The following ESR1 variants were observed in gnomAD, a reference collection of about 807,000 sequenced individuals.
ESR1 encodes estrogen receptor.
Under a neutral mutation model 52.7 loss-of-function variants are expected in ESR1, and 12 were observed. That is an observed-to-expected ratio of 0.23 (90% CI 0.15 to 0.37). The LOEUF is 0.37. ESR1 is among the 10% of genes least tolerant of loss of function. ESR1 has a pLI of 1.00. For missense variants in ESR1, 584 were observed against 779.7 expected (o/e 0.75, Z 2.99); for synonymous variants, 305 against 316.8 (o/e 0.96, Z 0.39).
At chr6:151,885,602 C>T (rs542208231) in intron 3 of ESR1, among the ~76,000 whole-genome samples, 1 of 152,308 alleles carries the variant, frequency 6.6e-6, no homozygotes, top group East Asian at 1.9e-4. Context: ...CGGTGGCTTA[C>T]GCCTGTAATC....
intron 3 of ESR1, among the ~76,000 whole-genome samples, chr6:151,930,489 T>A (rs1451079341): frequency 1.3e-5 from 2 of 152,230 alleles, no homozygotes; most frequent in Non-Finnish European, 2.9e-5. Flanking sequence ...CTATATACTA[T>A]AATCACCTAT....
At chr6:151,983,937 G>A (rs1458577579) in intron 4 of ESR1, 3 of 152,044 alleles carry the variant, frequency 2.0e-5, no homozygotes, top group Non-Finnish European at 2.9e-5. Context: ...TAAATTTCAA[G>A]TCCCTGGTAA....
chr6:151,679,895 C>T (rs1014404004), intron 1 of ESR1, among the ~76,000 whole-genome samples: 3 of 152,208 alleles, frequency 2.0e-5, no homozygotes, highest in African/African-American at 7.2e-5. Context: ...TGCTCAATAT[C>T]AGCTTCTCAG....
At chr6:151,741,763 T>A (rs1004948213) in intron 2 of ESR1, among the ~76,000 whole-genome samples, 1 of 152,190 alleles carries the variant, frequency 6.6e-6, no homozygotes, top group Admixed American at 6.5e-5. Flanking sequence ...CAAACTAACG[T>A]ATCCATCATC....
chr6:152,081,282 A>ACC (rs1477995594), intron 6 of ESR1, among the ~76,000 whole-genome samples: 1 of 152,142 alleles, frequency 6.6e-6, no homozygotes, highest in Non-Finnish European at 1.5e-5. Context: ...TGTCTCTCAG[A>ACC]CCACAGTGCA....
chr6:151,920,387 A>G (rs781772873), intron 3 of ESR1, among the ~76,000 whole-genome samples: 1 of 151,968 alleles, frequency 6.6e-6, no homozygotes, highest in Non-Finnish European at 1.5e-5. Flanking sequence ...GAGTTCTCAT[A>G]TATGCCTCAC....
chr6:151,923,465 C>T (rs2032093226), intron 3 of ESR1, among the ~76,000 whole-genome samples: 1 of 152,078 alleles, frequency 6.6e-6, no homozygotes, highest in Admixed American at 6.6e-5. Context: ...TATAAAATAT[C>T]CTGTGTTTCT....
At chr6:152,082,278 T>C (rs2049293272) in intron 6 of ESR1, among the ~76,000 whole-genome samples, 2 of 152,158 alleles carry the variant, frequency 1.3e-5, no homozygotes, top group African/African-American at 2.4e-5. Context: ...CCAAGTCAGC[T>C]TCATTCCTGG....
At chr6:152,080,295 A>T (rs1248594968) in intron 6 of ESR1, among the ~76,000 whole-genome samples, 2 of 141,786 alleles carry the variant, frequency 1.4e-5, no homozygotes, top group Non-Finnish European at 3.0e-5. Context: ...GGGATCTCTC[A>T]GCAGAAACCC....
intron 1 of ESR1, among the ~76,000 whole-genome samples, chr6:151,698,043 G>T (rs1779493362): frequency 6.6e-6 from 1 of 151,706 alleles, no homozygotes; most frequent in Admixed American, 6.6e-5. Flanking sequence ...GTTGCAGTGA[G>T]CCAATATTGT....
intron 1 of ESR1, among the ~76,000 whole-genome samples, chr6:151,842,376 G>C (rs4986937): frequency 2.0e-5 from 3 of 152,150 alleles, no homozygotes; most frequent in Non-Finnish European, 4.4e-5. Context: ...GGTGCAGGTA[G>C]TATGTTTTTA....
At chr6:151,718,310 G>A (rs906211243) in intron 2 of ESR1, among the ~76,000 whole-genome samples, 3 of 152,184 alleles carry the variant, frequency 2.0e-5, no homozygotes, top group Admixed American at 2.0e-4. Context: ...GTGAAAAACA[G>A]TGCACTAAAT....
chr6:152,094,652 G>C lies in ESR1; in HGVS notation c.1553+84G>C, dbSNP rs2050470276. Reference sequence around the variant, plus strand: ...ATGTGACAGCTGGCCGGGAAGGACTGGTGCCTGCATATGGAGAGTGCACTT... The same window carrying C: ...ATGTGACAGCTGGCCGGGAAGGACTCGTGCCTGCATATGGAGAGTGCACTT... On this transcript the variant is annotated intron_variant, in intron 7 of 7. Coordinates refer to ENST00000206249, the MANE Select transcript of ESR1 (RefSeq NM_000125.4). The surrounding 1 kb of genome is among the most constrained non-coding windows in gnomAD (Gnocchi z 4.6). 8 of 1,279,428 alleles carry C rather than the reference G, an allele frequency of 6.3e-6. No homozygotes were observed. The highest frequency in any genetic ancestry group is 8.9e-6 in the Non-Finnish European group (8 of 902,354). 79.3% of individuals were successfully genotyped at this position (1,279,428 alleles called of 1,614,324 possible).
At chr6:152,066,002 G>A (rs1356164417) in intron 6 of ESR1, among the ~76,000 whole-genome samples, 1 of 152,138 alleles carries the variant, frequency 6.6e-6, no homozygotes, top group Non-Finnish European at 1.5e-5. Flanking sequence ...GTACTTTAGT[G>A]TTTAGCAAAA....
At chr6:152,024,959 CAA>C (rs1223288695) in intron 5 of ESR1, among the ~76,000 whole-genome samples, 1 of 151,032 alleles carries the variant, frequency 6.6e-6, no homozygotes, top group African/African-American at 2.4e-5. Context: ...CTTTCTATTC[CAA>C]AGTGTCTAAA....
At chr6:151,836,641 T>G (rs1042838288) in intron 1 of ESR1, among the ~76,000 whole-genome samples, 1 of 152,178 alleles carries the variant, frequency 6.6e-6, no homozygotes, top group African/African-American at 2.4e-5. Flanking sequence ...TTCTTGGAGT[T>G]TACTGTTTAC....
chr6:152,070,154 T>C (rs1017640712), intron 6 of ESR1, among the ~76,000 whole-genome samples: 2 of 136,910 alleles, frequency 1.5e-5, no homozygotes, highest in Admixed American at 1.4e-4. Flanking sequence ...AAAACCTAAG[T>C]TAATATCACC....
At position 151,998,655 on chromosome 6, in the gene ESR1, G is replaced by A. The variant is rs200468084; in HGVS notation, c.1097-13001G>A. ...CATGTTATTAATCGTACATGATCTT[G>A]CAGACCCCAGATAGAGACTATATCA... On this transcript the variant is annotated intron_variant, in intron 4 of 7. Transcript: ENST00000206249. Among the ~76,000 whole-genome samples, 11 of 152,188 alleles carry A rather than the reference G, an allele frequency of 7.2e-5. No homozygotes were observed. In the East Asian group the frequency reaches 2.1e-3, roughly 29 times the overall value.
At chr6:151,942,568 A>G (rs1423682670) in intron 3 of ESR1, among the ~76,000 whole-genome samples, 1 of 151,496 alleles carries the variant, frequency 6.6e-6, no homozygotes. Context: ...AGAAGTACTT[A>G]TTTTAATACT....
Sources: gnomAD v4.1 joint callset for allele counts (sites outside exome capture counted in the v4.1 genomes callset) on GRCh38, gnomAD v4.1.1 for gene constraint, Gnocchi (gnomAD v3.1) non-coding constraint, MANE v1.5 for transcripts, NCBI Gene and HGNC (gene_info 2026-07-23, HGNC 2026-07-21) for gene names.